Variants in NAA15 observed in about 807,000 individuals in gnomAD.
NAA15 encodes N-alpha-acetyltransferase 15, NatA auxiliary subunit, also known as N-terminal acetyltransferase.
A neutral mutation model predicts 114.0 loss-of-function variants in NAA15; 34 were observed. The observed-to-expected ratio is 0.30, with a 90% CI of 0.23 to 0.40. The LOEUF is 0.40. Ranked by LOEUF, NAA15 falls within the 10% of genes least tolerant of loss-of-function variation. The pLI, the probability that NAA15 is intolerant of heterozygous loss-of-function variation, is 1.00. For synonymous variants in NAA15, 340 were observed against 338.0 expected, an observed-to-expected ratio of 1.01 and a Z score of -0.06; for missense variants, 658 against 1,004.5, an observed-to-expected ratio of 0.66 and a Z score of 4.66.
chr4:139,313,708 C>T (rs773140694), intron 1 of NAA15, among the ~76,000 whole-genome samples: 29 of 151,698 alleles, frequency 1.9e-4, no homozygotes, highest in Non-Finnish European at 3.8e-4. Flanking sequence ...CCATGCCCGG[C>T]TAATTTTGTA....
At chr4:139,381,963 A>T (rs1748767678) in intron 17 of NAA15, among the ~76,000 whole-genome samples, 1 of 152,198 alleles carries the variant, frequency 6.6e-6, no homozygotes, top group East Asian at 1.9e-4. Flanking sequence ...TTACTCTTTC[A>T]TGGAAGGTAA....
At chr4:139,317,166 C>G (rs1446287526) in intron 1 of NAA15, among the ~76,000 whole-genome samples, 1 of 151,732 alleles carries the variant, frequency 6.6e-6, no homozygotes, top group Non-Finnish European at 1.5e-5. Flanking sequence ...TGGACAGTTC[C>G]CATTGAAGCT....
In NAA15 at chr4:139,341,086, CT is replaced by C. The variant is rs768423087; in HGVS notation, c.402+27del. ...GGTTACAGGGTAAGTAAAATAGAGA[CT>C]TTTTTTTTTAATTCTAAGGGGAAAA... On this transcript the variant is annotated intron_variant, in intron 4 of 19. Coordinates refer to ENST00000296543, the MANE Select transcript of NAA15 (RefSeq NM_057175.5). 7,573 of 1,283,930 alleles carry C rather than the reference CT, an allele frequency of 5.9e-3. No homozygotes were observed. Among genetic ancestry groups the C allele is most frequent in the South Asian group, 0.014 (765 of 55,700 alleles). The allele number at this position is 1,283,930 out of a possible 1,614,324, so 79.5% of individuals were successfully genotyped here.
chr4:139,359,646 T>A, intron 11 of NAA15, 97 bp from the exon 12 acceptor site: 2 of 1,233,836 alleles, frequency 1.6e-6, no homozygotes. Context: ...TGCCTTTACT[T>A]TCATTTGTTT....
chr4:139,331,861 G>C (rs921265543), intron 1 of NAA15, among the ~76,000 whole-genome samples: 3 of 151,940 alleles, frequency 2.0e-5, no homozygotes, highest in Admixed American at 6.6e-5. Context: ...CTAAATCCAA[G>C]TCTTATACAA....
chr4:139,385,038 A>G (rs1748856189), intron 18 of NAA15, 60 bp downstream of exon 18: 25 of 1,315,146 alleles, frequency 1.9e-5, no homozygotes, highest in Non-Finnish European at 2.5e-5. Flanking sequence ...TAATGAATCA[A>G]CAATAATATA....
chr4:139,335,999 TCTGCCCAC>T (rs1241421718), intron 2 of NAA15, among the ~76,000 whole-genome samples: 1 of 152,160 alleles, frequency 6.6e-6, no homozygotes, highest in Non-Finnish European at 1.5e-5. Context: ...CCTCAAGTGA[TCTGCCCAC>T]CTTGGCCTCC....
chr4:139,327,601 A>G (rs966424436), intron 1 of NAA15, among the ~76,000 whole-genome samples: 5 of 152,172 alleles, frequency 3.3e-5, no homozygotes, highest in Non-Finnish European at 7.4e-5. Flanking sequence ...TATGGTGAAT[A>G]TACGTTTCTG....
intron 6 of NAA15, among the ~76,000 whole-genome samples, chr4:139,347,771 G>T (rs910849110): frequency 6.6e-6 from 1 of 152,162 alleles, no homozygotes; most frequent in Non-Finnish European, 1.5e-5. Flanking sequence ...GGTGGCTCAC[G>T]CCTGTAATCC....
intron 17 of NAA15, 56 bp from the exon 18 acceptor site, chr4:139,384,776 T>C: frequency 3.4e-6 from 4 of 1,192,450 alleles, no homozygotes; most frequent in Non-Finnish European, 4.4e-6. Flanking sequence ...AAAATAAACT[T>C]TTGTAAACTT....
Position 139,386,211 on chromosome 4 carries a change from T to G in NAA15, c.2381T>G (p.Leu794Arg), listed in dbSNP as rs1560984614. The G allele has an allele frequency of 6.2e-7, 1 of 1,604,682 alleles. No individual in the cohort carries two copies. Among genetic ancestry groups the G allele is most frequent in the East Asian group, 2.2e-5 (1 of 44,610 alleles). Residue 794 changes from leucine (L) to arginine (R), a missense_variant, in exon 19 of 20, where the codon CTC (leucine) becomes CGC (arginine). This residue lies in a region of NAA15 where 275 missense variants were observed against 371.1 expected (regional missense o/e 0.74). Coordinates refer to ENST00000296543, the MANE Select transcript of NAA15 (RefSeq NM_057175.5). ...TTGGCAACAACACTTGATGAATCTC[T>G]CACTAACAGAAACCTCCAGGTAAAG... is the stretch of plus-strand genomic sequence containing the variant. ...IELATTLDES[L>R]TNRNLQTCME...
At position 139,301,843 on chromosome 4, in the gene NAA15, G is replaced by A; in HGVS notation, c.54+12G>A. ...TCAAGCGGATCTTGGTAAGTGTGAG[G>A]CTCCGGGCAAGCGGTGGGGAGGATT... On this transcript the variant is annotated intron_variant, in intron 1 of 19. Coordinates refer to ENST00000296543, the MANE Select transcript of NAA15 (RefSeq NM_057175.5). 6.3e-7 allele frequency: 1 copy of A among 1,585,800 alleles called. No homozygotes were observed.
rs368147138 is a variant in NAA15, at chr4:139,361,942, A to G, written c.1753+5A>G. ...AAGAACACGAAGCTGATACAGGTAT[A>G]ATATTCAGAGTTCTTCTTGTGCTCT... On this transcript the variant is annotated splice_donor_5th_base_variant and intron_variant, in intron 14 of 19. Transcript: ENST00000296543. 59 of 1,591,662 alleles carry G rather than the reference A, an allele frequency of 3.7e-5. No homozygotes were observed. The African/African-American group carries it at 5.7e-4, about 15-fold the overall frequency.
At chr4:139,311,223 G>A (rs1746214387) in intron 1 of NAA15, among the ~76,000 whole-genome samples, 2 of 151,684 alleles carry the variant, frequency 1.3e-5, no homozygotes, top group Admixed American at 6.6e-5. Flanking sequence ...TGTTTATCAC[G>A]TTTTCCACAA....
chr4:139,369,717 G>A, intron 14 of NAA15, among the ~76,000 whole-genome samples: 1 of 127,692 alleles, frequency 7.8e-6, no homozygotes. Flanking sequence ...CAGCATGGGT[G>A]ACAGAGTGAG....
chr4:139,340,593 A>G (rs1272862769), intron 3 of NAA15, among the ~76,000 whole-genome samples: 1 of 152,030 alleles, frequency 6.6e-6, no homozygotes, highest in Non-Finnish European at 1.5e-5. Context: ...ATGTTATCCC[A>G]TTTAGTTGTC....
At chr4:139,348,027 A>G (rs1747649718) in intron 6 of NAA15, among the ~76,000 whole-genome samples, 1 of 147,874 alleles carries the variant, frequency 6.8e-6, no homozygotes, top group Non-Finnish European at 1.5e-5. Flanking sequence ...CGACAGAGCG[A>G]GACTCCGTCT....
At chr4:139,315,045 G>T (rs1403982624) in intron 1 of NAA15, among the ~76,000 whole-genome samples, 5 of 84,720 alleles carry the variant, frequency 5.9e-5, no homozygotes, top group African/African-American at 2.8e-4. Context: ...GGTTAGGTTA[G>T]GTTAGGTTAG....
chr4:139,324,746 C>T (rs1436315525), intron 1 of NAA15, among the ~76,000 whole-genome samples: 1 of 152,190 alleles, frequency 6.6e-6, no homozygotes, highest in East Asian at 1.9e-4. Flanking sequence ...GCCTGGCCAA[C>T]ATCCAAATTG....
Sources: allele counts gnomAD v4.1 joint callset (sites outside exome capture counted in the v4.1 genomes callset), GRCh38; gene constraint gnomAD v4.1.1; regional missense constraint gnomAD v4.1.1; transcripts MANE v1.5; gene names NCBI Gene and HGNC (gene_info 2026-07-23, HGNC 2026-07-21).